The following LTF variants were observed in gnomAD, a reference collection of about 807,000 sequenced individuals.
LTF encodes the protein epididymis luminal protein 110.
A neutral mutation model predicts 87.2 loss-of-function variants in LTF; 91 were observed. The observed-to-expected ratio is 1.04, with a 90% CI of 0.88 to 1.24. The LOEUF (loss-of-function observed/expected upper bound fraction) is 1.24, where lower values mean the gene tolerates loss of function less well. LTF is among the 50% of genes most tolerant of loss of function. LTF has a pLI of 0.00. For synonymous variants in LTF, 378 were observed against 356.1 expected (o/e 1.06, Z -0.69); for missense variants, 901 against 904.3 (o/e 1.00, Z 0.05).
chr3:46,459,712 G>A lies in LTF; in HGVS notation c.151C>T (p.Pro51Ser). 6.3e-7 allele frequency: 1 copy of A among 1,576,072 alleles called. No individual in the cohort carries two copies. Among genetic ancestry groups the A allele is most frequent in the Non-Finnish European group, 8.6e-7 (1 of 1,164,362 alleles). Residue 51 changes from proline (P) to serine (S), a missense_variant, in exon 2 of 17, where the codon CCT becomes TCT. Transcript: ENST00000231751. ...WQRNMRKVRG[P>S]PVSCIKRDSP... ...TCTCTCTTTATGCAGCTGACAGGAG[G>A]GCCACGCACTTTTCTCATATTCCTT...
At position 46,448,928 on chromosome 3, in the gene LTF, A is replaced by G; in HGVS notation, c.1147T>C (p.Leu383=). Residue 383 remains leucine, a synonymous_variant, in exon 9 of 17, where the codon TTG becomes CTG. Coordinates refer to ENST00000231751, the MANE Select transcript of LTF (RefSeq NM_002343.6). ...GAGCAGGTCACGCTGCCTTCGCTCA[A>G]GCCACTCCACTGGTTACACTTGCGC... The part of the protein sequence containing the change: ...ELRKCNQWSG[L]SEGSVTCSSA... The G allele has an allele frequency of 6.2e-7, 1 of 1,613,788 alleles. No individual in the cohort carries two copies. Among genetic ancestry groups the G allele is most frequent in the Non-Finnish European group, 8.5e-7 (1 of 1,179,934 alleles).
intron 1 of LTF, among the ~76,000 whole-genome samples, chr3:46,478,400 G>A (rs566618118): frequency 1.3e-5 from 2 of 152,170 alleles, no homozygotes; most frequent in Non-Finnish European, 2.9e-5. Context: ...CTTCCCCAGA[G>A]GCTGAAGGTC....
intron 9 of LTF, among the ~76,000 whole-genome samples, chr3:46,448,388 C>T (rs1702708124): frequency 6.6e-6 from 1 of 151,524 alleles, no homozygotes; most frequent in South Asian, 2.1e-4. Flanking sequence ...AAAATTAATG[C>T]TTTCCAAGAG....
chr3:46,437,321 T>TC (rs372047404), intron 16 of LTF, among the ~76,000 whole-genome samples: 8,364 of 21,668 alleles, frequency 0.39, 816 homozygotes, highest in African/African-American at 0.51. Flanking sequence ...TAGAATCAGA[T>TC]TTTTTTTTTT....
intron 2 of LTF, 122 bp downstream of exon 2, chr3:46,459,534 T>TC (rs2106892416): frequency 1.0e-6 from 1 of 955,208 alleles, no homozygotes; most frequent in East Asian, 3.0e-5. Flanking sequence ...AGAGGACGGC[T>TC]CCCCACTTCG....
chr3:46,461,493 C>A (rs765357708), intron 1 of LTF, among the ~76,000 whole-genome samples: 11 of 152,158 alleles, frequency 7.2e-5, no homozygotes, highest in Non-Finnish European at 1.5e-4. Flanking sequence ...ACAACATGAA[C>A]GAGCCTCAGT....
intron 6 of LTF, 117 bp from the exon 7 acceptor site, chr3:46,450,790 T>A (rs545325857): frequency 7.1e-6 from 6 of 850,290 alleles, no homozygotes; most frequent in South Asian, 6.6e-5. Flanking sequence ...CTGACAAAAC[T>A]GAGGGTCAGA....
chr3:46,471,264 T>C (rs1273977202), intron 1 of LTF, among the ~76,000 whole-genome samples: 2 of 152,128 alleles, frequency 1.3e-5, no homozygotes, highest in Non-Finnish European at 2.9e-5. Flanking sequence ...AATCCCTGCC[T>C]CCTCTCTTTC....
rs577882713 is a variant in LTF at position 46,476,456 on chromosome 3, A to C, written c.-319-5990T>G. ...ATTTTTCTCTTTGGTTATGAATCAT[A>C]CCAATTTATTTTCAAATACCAAGCC... On this transcript the variant is annotated intron_variant, in intron 1 of 19. Transcript: ENST00000443496. Among the ~76,000 whole-genome samples the C allele has an allele frequency of 4.6e-5, 7 of 152,346 alleles. No individual in the cohort carries two copies. The East Asian group carries it at 1.3e-3, about 29-fold the overall frequency.
chr3:46,482,663 G>GAAAGAAAGAAAGAAAGAAA (rs1559614838), intron 1 of LTF, among the ~76,000 whole-genome samples: 11 of 27,124 alleles, frequency 4.1e-4, no homozygotes, highest in East Asian at 1.7e-3. Context: ...AAAGAAAGAA[G>GAAAGAAAGAAAGAAAGAAA]GAAGGAAGGA....
At chr3:46,459,945 T>A (rs1703038794) in intron 1 of LTF, 126 bp from the exon 2 acceptor site, 1 of 586,560 alleles carries the variant, frequency 1.7e-6, no homozygotes, top group South Asian at 3.6e-5. Context: ...CTCCATTTCA[T>A]GGCTATGTCC....
chr3:46,479,256 T>A (rs191354209), intron 1 of LTF, among the ~76,000 whole-genome samples: 78 of 152,228 alleles, frequency 5.1e-4, no homozygotes, highest in African/African-American at 1.8e-3. Context: ...TAGCCCCCTC[T>A]CTCCCACCCT....
intron 13 of LTF, among the ~76,000 whole-genome samples, chr3:46,442,792 T>C (rs6441991): frequency 6.6e-6 from 1 of 152,068 alleles, no homozygotes; most frequent in East Asian, 1.9e-4. Flanking sequence ...TCTTGGCAAA[T>C]GGAGGAAAAG....
intron 2 of LTF, chr3:46,470,302 A>AGAAGGAATGAGG (rs1703266479): frequency 6.6e-6 from 1 of 152,280 alleles, no homozygotes; most frequent in Non-Finnish European, 1.5e-5. Context: ...CCAGCCATGC[A>AGAAGGAATGAGG]AATTTCTTCC....
intron 6 of LTF, among the ~76,000 whole-genome samples, chr3:46,452,586 C>T (rs1575315562): frequency 6.6e-6 from 1 of 152,220 alleles, no homozygotes; most frequent in Non-Finnish European, 1.5e-5. Context: ...CTCATTCTCT[C>T]TCTCTTCCTC....
chr3:46,464,302 C>A (rs1328090016), intron 1 of LTF, among the ~76,000 whole-genome samples: 1 of 152,210 alleles, frequency 6.6e-6, no homozygotes, highest in South Asian at 2.1e-4. Context: ...CCTCCACAAC[C>A]CTCTGCCACG....
rs770839547 is a variant in LTF, at chr3:46,454,300, C to G, written c.703+5G>C. ...AGTACCCACGGCTCATTACCCTGCT[C>G]TTACCAAACACTGTGCTCTCTCTGA... On this transcript the variant is annotated splice_donor_5th_base_variant and intron_variant, in intron 6 of 16. Coordinates refer to ENST00000231751, the MANE Select transcript of LTF (RefSeq NM_002343.6). 9.3e-6 allele frequency: 15 copies of G among 1,613,980 alleles called. No homozygotes were observed. The highest frequency in any genetic ancestry group is 1.2e-5 in the Non-Finnish European group (14 of 1,179,928).
chr3:46,442,263 ATCT>A (rs1166840157), intron 13 of LTF, among the ~76,000 whole-genome samples: 2 of 152,120 alleles, frequency 1.3e-5, no homozygotes, highest in Non-Finnish European at 2.9e-5. Context: ...GAGAGGCTAG[ATCT>A]TCTTCTATAC....
intron 1 of LTF, among the ~76,000 whole-genome samples, chr3:46,473,218 C>A (rs1450769422): frequency 6.6e-6 from 1 of 152,096 alleles, no homozygotes; most frequent in African/African-American, 2.4e-5. Context: ...TTTTCTTGCC[C>A]TTCCTCTCTT....
Sources: allele counts gnomAD v4.1 joint callset (sites outside exome capture counted in the v4.1 genomes callset), GRCh38; gene constraint gnomAD v4.1.1; transcripts MANE v1.5; gene names NCBI Gene and HGNC (gene_info 2026-07-23, HGNC 2026-07-21).